UPP2: variants seen among roughly 807,000 people sequenced by gnomAD.
UPP2 encodes uridine phosphorylase 2, also known as UPase 2.
Under a neutral mutation model 26.7 loss-of-function variants are expected in UPP2, and 23 were observed. That is an observed-to-expected ratio of 0.86 (90% CI 0.62 to 1.22). The LOEUF (loss-of-function observed/expected upper bound fraction) is 1.22, where lower values mean the gene tolerates loss of function less well. UPP2 is among the 50% of genes most tolerant of loss of function. The pLI, the probability that UPP2 is intolerant of heterozygous loss-of-function variation, is 0.00. For synonymous variants in UPP2, 127 were observed against 141.3 expected, an observed-to-expected ratio of 0.90 and a Z score of 0.72; for missense variants, 387 against 396.7, an observed-to-expected ratio of 0.98 and a Z score of 0.21.
intron 3 of UPP2, among the ~76,000 whole-genome samples, chr2:158,076,618 A>G (rs1184662880): frequency 6.6e-6 from 1 of 152,088 alleles, no homozygotes; most frequent in Non-Finnish European, 1.5e-5. Flanking sequence ...AGAATTCAAT[A>G]TTGCTTTATG....
chr2:158,066,630 CT>C (rs3046317), intron 3 of UPP2, among the ~76,000 whole-genome samples: 2,705 of 146,068 alleles, frequency 0.019, 48 homozygotes, highest in African/African-American at 0.051. Context: ...ACCATTGATT[CT>C]TTTTTTTTTT....
intron 3 of UPP2, among the ~76,000 whole-genome samples, chr2:158,085,842 G>C (rs574877573): frequency 6.6e-6 from 1 of 152,082 alleles, no homozygotes; most frequent in African/African-American, 2.4e-5. Context: ...CTGCATCCCT[G>C]GTATGAAACC....
At chr2:158,058,191 G>A (rs1259795038) in intron 3 of UPP2, among the ~76,000 whole-genome samples, 3 of 151,836 alleles carry the variant, frequency 2.0e-5, no homozygotes, top group Admixed American at 6.6e-5. Context: ...TACTCAGTAG[G>A]CTGAGGCAGG....
intron 3 of UPP2, among the ~76,000 whole-genome samples, chr2:158,116,759 G>C (rs552248371): frequency 6.6e-6 from 1 of 152,266 alleles, no homozygotes; most frequent in African/African-American, 2.4e-5. Context: ...AATACTTAGA[G>C]CATTTATTCA....
At chr2:158,125,711 C>A (rs1278389794) in intron 6 of UPP2, among the ~76,000 whole-genome samples, 2 of 152,128 alleles carry the variant, frequency 1.3e-5, no homozygotes, top group East Asian at 3.9e-4. Context: ...TGAGCCACCA[C>A]GCCCAGCCCA....
chr2:158,058,094 C>A (rs764103627), intron 3 of UPP2, among the ~76,000 whole-genome samples: 1 of 151,952 alleles, frequency 6.6e-6, no homozygotes, highest in Non-Finnish European at 1.5e-5. Flanking sequence ...GAGATCGAGA[C>A]CATCCTAGCT....
intron 3 of UPP2, among the ~76,000 whole-genome samples, chr2:158,054,922 A>G (rs1287943035): frequency 6.6e-6 from 1 of 152,190 alleles, no homozygotes; most frequent in African/African-American, 2.4e-5. Context: ...TTAATCTTGC[A>G]AAACTGAAAC....
At chr2:158,010,765 T>C (rs1250633108) in intron 2 of UPP2, among the ~76,000 whole-genome samples, 1 of 5,148 alleles carries the variant, frequency 1.9e-4, no homozygotes, top group Non-Finnish European at 3.4e-4. Context: ...CTCTTTTTCT[T>C]TTTTTTTTTT....
At chr2:158,011,478 G>GA (rs956350449) in intron 2 of UPP2, among the ~76,000 whole-genome samples, 8 of 150,736 alleles carry the variant, frequency 5.3e-5, no homozygotes, top group African/African-American at 1.7e-4. Flanking sequence ...ATAAAGTTTT[G>GA]AAAAAAAGCT....
At chr2:158,083,315 A>G (rs754565120) in intron 3 of UPP2, among the ~76,000 whole-genome samples, 1 of 152,230 alleles carries the variant, frequency 6.6e-6, no homozygotes, top group Non-Finnish European at 1.5e-5. Flanking sequence ...CTAAATGTCC[A>G]TCAATGATAG....
At chr2:158,005,376 C>T (rs905075269) in intron 2 of UPP2, among the ~76,000 whole-genome samples, 10 of 152,108 alleles carry the variant, frequency 6.6e-5, no homozygotes, top group Admixed American at 1.3e-4. Context: ...AGCAGGAGAA[C>T]GACTTGACTT....
At chr2:158,073,699 G>A (rs892561843) in intron 3 of UPP2, among the ~76,000 whole-genome samples, 4 of 152,174 alleles carry the variant, frequency 2.6e-5, no homozygotes, top group African/African-American at 7.2e-5. Context: ...TTAAAGTGCT[G>A]AAGGAAACAA....
chr2:158,038,957 G>A (rs1485742619), intron 3 of UPP2, among the ~76,000 whole-genome samples: 2 of 152,138 alleles, frequency 1.3e-5, no homozygotes, highest in Non-Finnish European at 2.9e-5. Flanking sequence ...GAGAGCTGCA[G>A]GGATCTACAC....
chr2:158,070,261 AC>A (rs1682517365), intron 3 of UPP2, among the ~76,000 whole-genome samples: 1 of 152,084 alleles, frequency 6.6e-6, no homozygotes, highest in Non-Finnish European at 1.5e-5. Flanking sequence ...AAACTGAGCT[AC>A]CCCCAAGCAT....
chr2:158,007,160 CAGTGTGCTA>C (rs1683504354), intron 2 of UPP2, among the ~76,000 whole-genome samples: 1 of 152,172 alleles, frequency 6.6e-6, no homozygotes, highest in Non-Finnish European at 1.5e-5. Flanking sequence ...TACTCATAGG[CAGTGTGCTA>C]AGTGCTTGAT....
chr2:158,058,292 C>CA (rs57994785), intron 3 of UPP2, among the ~76,000 whole-genome samples: 531 of 38,764 alleles, frequency 0.014, 45 homozygotes, highest in Non-Finnish European at 0.021. Flanking sequence ...GACTCCGTCT[C>CA]AAAAAAAAAA....
intron 3 of UPP2, among the ~76,000 whole-genome samples, chr2:158,070,930 G>A (rs865852572): frequency 1.1e-4 from 17 of 152,172 alleles, no homozygotes; most frequent in South Asian, 1.0e-3. Context: ...ATGGCAGAGA[G>A]CAAAGCTGAG....
At chr2:158,064,163 A>G (rs1224707857) in intron 3 of UPP2, among the ~76,000 whole-genome samples, 1 of 152,248 alleles carries the variant, frequency 6.6e-6, no homozygotes, top group Non-Finnish European at 1.5e-5. Context: ...TCCTTGAAGA[A>G]TTGCCACACT....
At chr2:158,063,886 G>T in intron 3 of UPP2, among the ~76,000 whole-genome samples, 1 of 152,134 alleles carries the variant, frequency 6.6e-6, no homozygotes, top group East Asian at 1.9e-4. Context: ...TGAGAATGAT[G>T]GTTTCCAGCT....
Sources: gnomAD v4.1 joint callset for allele counts (sites outside exome capture counted in the v4.1 genomes callset) on GRCh38, gnomAD v4.1.1 for gene constraint, MANE v1.5 for transcripts, NCBI Gene and HGNC (gene_info 2026-07-23, HGNC 2026-07-21) for gene names.